The following SCLT1 variants were observed in gnomAD, a reference collection of about 807,000 sequenced individuals.
SCLT1 encodes sodium channel and clathrin linker 1, also known as sodium channel-associated protein 1.
In SCLT1, 78 loss-of-function variants were observed where a neutral mutation model predicts 112.8. The ratio of observed to expected loss-of-function variants is 0.69; its 90% CI spans 0.58 to 0.83. The LOEUF is 0.83. Ranked by LOEUF, SCLT1 falls within the 40% of genes least tolerant of loss-of-function variation. The pLI, the probability that SCLT1 is intolerant of heterozygous loss-of-function variation, is 0.00. For synonymous variants in SCLT1, 257 were observed against 254.7 expected (o/e 1.01, Z -0.09); for missense variants, 747 against 770.4 (o/e 0.97, Z 0.36).
chr4:128,986,794 A>T (rs1183564318), intron 9 of SCLT1, among the ~76,000 whole-genome samples: 1 of 152,192 alleles, frequency 6.6e-6, no homozygotes, highest in Non-Finnish European at 1.5e-5. Flanking sequence ...CTGGGCCTTG[A>T]ATAAACATCA....
intron 2 of SCLT1, among the ~76,000 whole-genome samples, chr4:129,073,486 T>C (rs745426908): frequency 1.6e-4 from 24 of 152,164 alleles, no homozygotes; most frequent in Non-Finnish European, 2.8e-4. Flanking sequence ...TGAATAACAT[T>C]TTATAAAACA....
At chr4:128,893,611 C>G (rs753260587) in intron 18 of SCLT1, among the ~76,000 whole-genome samples, 2 of 152,128 alleles carry the variant, frequency 1.3e-5, no homozygotes, top group Admixed American at 1.3e-4. Context: ...GGTGCCATCT[C>G]GGCTCACTGC....
At chr4:129,073,142 C>T (rs1376489737) in intron 2 of SCLT1, among the ~76,000 whole-genome samples, 1 of 152,032 alleles carries the variant, frequency 6.6e-6, no homozygotes, top group East Asian at 1.9e-4. Flanking sequence ...GTACAAAGTC[C>T]TGTGATGTGA....
chr4:129,055,282 A>T (rs1020595084), intron 2 of SCLT1, among the ~76,000 whole-genome samples: 4 of 152,156 alleles, frequency 2.6e-5, no homozygotes, highest in Non-Finnish European at 4.4e-5. Context: ...CCCTTAACAG[A>T]GCTCTAGTGC....
intron 8 of SCLT1, among the ~76,000 whole-genome samples, chr4:128,992,971 T>C (rs2126070589): frequency 6.6e-6 from 1 of 152,146 alleles, no homozygotes; most frequent in Middle Eastern, 3.4e-3. Flanking sequence ...TTATGGTTGC[T>C]CCCGATTGAT....
intron 2 of SCLT1, among the ~76,000 whole-genome samples, chr4:129,079,036 T>A (rs888620244): frequency 2.6e-5 from 4 of 152,136 alleles, no homozygotes; most frequent in African/African-American, 9.7e-5. Flanking sequence ...TCACTCACTA[T>A]CAGGGGAACA....
intron 18 of SCLT1, among the ~76,000 whole-genome samples, chr4:128,899,896 G>A (rs2125933364): frequency 6.6e-6 from 1 of 152,214 alleles, no homozygotes; most frequent in East Asian, 1.9e-4. Context: ...CAAACAGAGA[G>A]CCAAATCATG....
At chr4:128,953,568 G>A (rs1014889310) in intron 13 of SCLT1, among the ~76,000 whole-genome samples, 2 of 151,992 alleles carry the variant, frequency 1.3e-5, no homozygotes, top group Non-Finnish European at 1.5e-5. Flanking sequence ...GCCGAGGTGG[G>A]CAGATCACGA....
intron 10 of SCLT1, among the ~76,000 whole-genome samples, chr4:128,968,830 T>C (rs1310852205): frequency 6.6e-6 from 1 of 152,238 alleles, no homozygotes; most frequent in Non-Finnish European, 1.5e-5. Context: ...TTTCCACTGT[T>C]GCTTTTATAA....
chr4:128,921,365 AG>A (rs1400877187), intron 18 of SCLT1, among the ~76,000 whole-genome samples: 4 of 69,804 alleles, frequency 5.7e-5, no homozygotes, highest in African/African-American at 3.0e-4. Flanking sequence ...CTAAGCAAAA[AG>A]AACAAACTGG....
chr4:128,921,821 C>T (rs925815008), intron 18 of SCLT1, among the ~76,000 whole-genome samples: 6 of 152,120 alleles, frequency 3.9e-5, no homozygotes, highest in African/African-American at 1.4e-4. Flanking sequence ...TAAACAGCTT[C>T]TGCAGAGCAA....
At chr4:128,941,266 A>C (rs1242939017) in intron 17 of SCLT1, among the ~76,000 whole-genome samples, 1 of 152,100 alleles carries the variant, frequency 6.6e-6, no homozygotes, top group Non-Finnish European at 1.5e-5. Context: ...ATAATGCTAC[A>C]TTCCCAGCAG....
At chr4:128,875,394 A>ACTC (rs1444057088) in intron 4 of SCLT1, among the ~76,000 whole-genome samples, 1 of 152,182 alleles carries the variant, frequency 6.6e-6, no homozygotes, top group East Asian at 1.9e-4. Context: ...TTCTGGCTCA[A>ACTC]CTCTGATGGC....
At chr4:128,937,392 T>C (rs1737302946) in intron 17 of SCLT1, among the ~76,000 whole-genome samples, 2 of 152,118 alleles carry the variant, frequency 1.3e-5, no homozygotes, top group African/African-American at 4.8e-5. Context: ...GAACTATATA[T>C]TTTTGCAACA....
intron 5 of SCLT1, among the ~76,000 whole-genome samples, chr4:129,011,691 T>A (rs984804734): frequency 1.3e-5 from 2 of 152,182 alleles, no homozygotes; most frequent in Non-Finnish European, 2.9e-5. Context: ...TCATAGGCTA[T>A]TTATTACTGC....
intron 18 of SCLT1, among the ~76,000 whole-genome samples, chr4:128,897,695 G>A (rs913571806): frequency 5.3e-5 from 8 of 152,094 alleles, no homozygotes; most frequent in African/African-American, 1.4e-4. Context: ...ATGTAAATGC[G>A]CTAAATGCTC....
chr4:129,026,185 CTG>C (rs1746054252), intron 5 of SCLT1, among the ~76,000 whole-genome samples: 2 of 151,882 alleles, frequency 1.3e-5, no homozygotes, highest in African/African-American at 2.4e-5. Context: ...GAACTCAGCT[CTG>C]CACCAAGCAG....
intron 9 of SCLT1, among the ~76,000 whole-genome samples, chr4:128,984,266 C>T (rs756517858): frequency 1.1e-4 from 17 of 152,216 alleles, no homozygotes; most frequent in Non-Finnish European, 2.2e-4. Context: ...ATACTTTTTT[C>T]CCCTGCAATC....
intron 2 of SCLT1, among the ~76,000 whole-genome samples, chr4:129,061,102 C>G (rs11934130): frequency 0.02 from 3,017 of 152,190 alleles, 88 homozygotes; most frequent in African/African-American, 0.063. Flanking sequence ...TAGAAGTAAG[C>G]AACTTGAGCC....
Sources: allele counts gnomAD v4.1 joint callset (sites outside exome capture counted in the v4.1 genomes callset), GRCh38; gene constraint gnomAD v4.1.1; transcripts MANE v1.5; gene names NCBI Gene and HGNC (gene_info 2026-07-23, HGNC 2026-07-21).